Variants in ZBTB20 observed in about 807,000 individuals in gnomAD.
The protein encoded by ZBTB20 is zinc finger and BTB domain-containing protein 20.
In ZBTB20, 9 loss-of-function variants were observed where a neutral mutation model predicts 56.9. The observed-to-expected ratio is 0.16, with a 90% CI of 0.10 to 0.28. ZBTB20 has a LOEUF of 0.28. Among genes scored for constraint, ZBTB20 ranks in the 10% least tolerant of loss-of-function variants. The pLI is 1.00. For synonymous variants in ZBTB20, 417 were observed against 420.7 expected (o/e 0.99, Z 0.11); for missense variants, 655 against 1,003.0 (o/e 0.65, Z 4.69).
chr3:114,683,818 C>T (rs2062142850), intron 6 of ZBTB20, among the ~76,000 whole-genome samples: 1 of 151,980 alleles, frequency 6.6e-6, no homozygotes, highest in Non-Finnish European at 1.5e-5. Context: ...CAGAGAACGG[C>T]TTCAGGTGCA....
At chr3:115,118,670 T>C (rs1314412076) in intron 1 of ZBTB20, among the ~76,000 whole-genome samples, 1 of 150,714 alleles carries the variant, frequency 6.6e-6, no homozygotes, top group African/African-American at 2.4e-5. Flanking sequence ...ATATCACTAG[T>C]GGTTCTAGGA....
chr3:114,551,466 G>A (rs966800309), intron 6 of ZBTB20, among the ~76,000 whole-genome samples: 21 of 152,300 alleles, frequency 1.4e-4, no homozygotes, highest in African/African-American at 5.1e-4. Flanking sequence ...ACAAGTCAAT[G>A]ACTTTCGTTG....
At chr3:114,537,540 A>G (rs2048614879) in intron 6 of ZBTB20, among the ~76,000 whole-genome samples, 1 of 152,192 alleles carries the variant, frequency 6.6e-6, no homozygotes, top group Non-Finnish European at 1.5e-5. Context: ...TGTTGGTGGG[A>G]GTGTAAATTA....
intron 5 of ZBTB20, among the ~76,000 whole-genome samples, chr3:114,790,777 T>TC (rs1180437570): frequency 6.9e-6 from 1 of 145,106 alleles, no homozygotes; most frequent in African/African-American, 2.6e-5. Context: ...AACAGTAAGT[T>TC]TTTTTTTTTT....
intron 1 of ZBTB20, among the ~76,000 whole-genome samples, chr3:115,075,839 T>A (rs1249717245): frequency 6.6e-6 from 1 of 152,068 alleles, no homozygotes; most frequent in East Asian, 1.9e-4. Flanking sequence ...AAAGTAAAAT[T>A]GTCTAGTTGG....
intron 10 of ZBTB20, among the ~76,000 whole-genome samples, chr3:114,377,247 G>T (rs141021347): frequency 2.6e-4 from 39 of 152,260 alleles, no homozygotes; most frequent in African/African-American, 9.4e-4. Flanking sequence ...TGGTGAAGAG[G>T]TGGTAAGCTA....
intron 5 of ZBTB20, among the ~76,000 whole-genome samples, chr3:114,735,713 T>G (rs2066100863): frequency 1.3e-5 from 2 of 152,176 alleles, no homozygotes. Context: ...GCAGCTCATC[T>G]TGTTTATAAT....
At chr3:114,799,739 C>G (rs1372764992) in intron 5 of ZBTB20, among the ~76,000 whole-genome samples, 1 of 151,864 alleles carries the variant, frequency 6.6e-6, no homozygotes, top group Non-Finnish European at 1.5e-5. Flanking sequence ...CTCATACCAG[C>G]CAGGCACCAT....
chr3:115,134,829 A>T (rs1485194447), intron 1 of ZBTB20, among the ~76,000 whole-genome samples: 2 of 152,210 alleles, frequency 1.3e-5, no homozygotes, highest in Non-Finnish European at 2.9e-5. Context: ...TTGCCAGATT[A>T]TCCTAAATGG....
intron 5 of ZBTB20, among the ~76,000 whole-genome samples, chr3:114,745,289 A>G (rs572889121): frequency 6.6e-6 from 1 of 152,216 alleles, no homozygotes; most frequent in African/African-American, 2.4e-5. Context: ...ATCTGCCCTC[A>G]ATTTTCTTGT....
intron 6 of ZBTB20, among the ~76,000 whole-genome samples, chr3:114,660,891 G>T (rs1323203516): frequency 2.6e-5 from 4 of 152,072 alleles, no homozygotes; most frequent in Admixed American, 2.6e-4. Flanking sequence ...TGGATGGGGG[G>T]TGGAGAGAGA....
intron 1 of ZBTB20, among the ~76,000 whole-genome samples, chr3:115,086,776 G>C (rs113667876): frequency 2.1e-3 from 320 of 151,916 alleles, no homozygotes; most frequent in African/African-American, 7.3e-3. Flanking sequence ...TTTGTACTAT[G>C]TCTGATGTGA....
chr3:114,711,180 C>A (rs1310335874), intron 5 of ZBTB20, among the ~76,000 whole-genome samples: 1 of 150,358 alleles, frequency 6.7e-6, no homozygotes, highest in Non-Finnish European at 1.5e-5. Flanking sequence ...TAGATCTGAT[C>A]ATTATTTAAA....
intron 7 of ZBTB20, among the ~76,000 whole-genome samples, chr3:114,409,567 C>T (rs1171432264): frequency 1.3e-5 from 2 of 151,960 alleles, no homozygotes; most frequent in East Asian, 1.9e-4. Flanking sequence ...CACAACTACT[C>T]GGCACTTCCC....
At chr3:114,525,345 T>C (rs2047098430) in intron 6 of ZBTB20, among the ~76,000 whole-genome samples, 1 of 152,190 alleles carries the variant, frequency 6.6e-6, no homozygotes, top group Non-Finnish European at 1.5e-5. Flanking sequence ...TTTGCTTTAC[T>C]ATCCTACCAG....
intron 2 of ZBTB20, among the ~76,000 whole-genome samples, chr3:114,975,590 C>A (rs1364691470): frequency 1.3e-5 from 2 of 152,096 alleles, no homozygotes; most frequent in African/African-American, 4.8e-5. Context: ...TCTGACACTC[C>A]TGTTATATTT....
At chr3:114,731,826 A>ATTAGTAACTAATCCGGCTGTGCCTAGT (rs2065779836) in intron 5 of ZBTB20, among the ~76,000 whole-genome samples, 6 of 151,692 alleles carry the variant, frequency 4.0e-5, no homozygotes, top group African/African-American at 1.2e-4. Context: ...CTGTGCCTAG[A>ATTAGTAACTAATCCGGCTGTGCCTAGT]TTAGTAACTA....
chr3:114,452,086 A>G (rs1342232435), intron 7 of ZBTB20, among the ~76,000 whole-genome samples: 1 of 151,862 alleles, frequency 6.6e-6, no homozygotes, highest in Non-Finnish European at 1.5e-5. Context: ...AAGAAAAAAA[A>G]GGGGGGGTAC....
rs72943819 is a variant in ZBTB20 at position 115,031,364 on chromosome 3, G to A, written c.-507+39855C>T. 6.0e-3 allele frequency among the ~76,000 whole-genome samples: 902 copies of A among 151,546 alleles called. 12 individuals are homozygous for A. The highest frequency in any genetic ancestry group is 0.021 in the African/African-American group (873 of 41,504). ...TACATCTTCTTGAACTAAATCATGA[G>A]AGGAGGAACTTATGATGTTTTTTAT... On this transcript the variant is annotated intron_variant, in intron 2 of 11. Coordinates refer to ENST00000675478, the MANE Select transcript of ZBTB20 (RefSeq NM_001348800.3).
Sources: allele counts gnomAD v4.1 joint callset (sites outside exome capture counted in the v4.1 genomes callset), GRCh38; gene constraint gnomAD v4.1.1; transcripts MANE v1.5; gene names NCBI Gene and HGNC (gene_info 2026-07-23, HGNC 2026-07-21).